Variants in CFAP263 observed in about 807,000 individuals in gnomAD.
CFAP263 encodes cilia and flagella associated protein 263.
the CFAP263 span, chr16:58,283,219 A>C: frequency 1.3e-5 from 2 of 152,222 alleles, no homozygotes; most frequent in African/African-American, 4.8e-5. Flanking sequence ...CTGGTGGTTG[A>C]TTCTACATGT....
At chr16:58,259,026 TA>T in the CFAP263 span, among the ~76,000 whole-genome samples, 3 of 151,750 alleles carry the variant, frequency 2.0e-5, no homozygotes, top group East Asian at 5.8e-4. Context: ...AATAAATAAA[TA>T]AATGCGTGTT....
chr16:58,273,757 C>T, the CFAP263 span, among the ~76,000 whole-genome samples: 3 of 152,096 alleles, frequency 2.0e-5, no homozygotes, highest in African/African-American at 7.2e-5. Flanking sequence ...TTGTTGGAAG[C>T]TGTATATTTT....
chr16:58,259,112 A>G, the CFAP263 span, among the ~76,000 whole-genome samples: 2 of 152,072 alleles, frequency 1.3e-5, no homozygotes, highest in Non-Finnish European at 2.9e-5. Context: ...TTGTTTTGTT[A>G]TTTGTTTCAA....
chr16:58,255,977 C>T, the CFAP263 span, among the ~76,000 whole-genome samples: 1 of 152,216 alleles, frequency 6.6e-6, no homozygotes, highest in East Asian at 1.9e-4. Flanking sequence ...AGAGAAGAAA[C>T]ATCACTGTTA....
At chr16:58,279,233 C>T in the CFAP263 span, among the ~76,000 whole-genome samples, 2 of 152,234 alleles carry the variant, frequency 1.3e-5, no homozygotes, top group South Asian at 2.1e-4. Context: ...TGAGGTCATG[C>T]AGGACATCAT....
At chr16:58,278,946 T>G in the CFAP263 span, among the ~76,000 whole-genome samples, 4 of 152,258 alleles carry the variant, frequency 2.6e-5, no homozygotes, top group Non-Finnish European at 4.4e-5. Context: ...ACTGGTAATT[T>G]AGTGATTGCT....
chr16:58,262,240 G>A, the CFAP263 span: 1 of 722,850 alleles, frequency 1.4e-6, no homozygotes. Flanking sequence ...CCATGCCTGG[G>A]ACCAAACAGA....
the CFAP263 span, among the ~76,000 whole-genome samples, chr16:58,257,114 T>G: frequency 3.9e-5 from 4 of 102,150 alleles, no homozygotes; most frequent in Non-Finnish European, 7.6e-5. Context: ...GCCTCCCGGG[T>G]TCACGCCATT....
the CFAP263 span, chr16:58,281,411 GCAAA>G: frequency 6.6e-6 from 1 of 152,526 alleles, no homozygotes; most frequent in Non-Finnish European, 1.5e-5. Context: ...CTGGCACACA[GCAAA>G]CACTCAATAG....
the CFAP263 span, among the ~76,000 whole-genome samples, chr16:58,253,453 C>G: frequency 1.3e-5 from 2 of 152,102 alleles, no homozygotes; most frequent in Non-Finnish European, 2.9e-5. Flanking sequence ...AGCCAGCCAC[C>G]TAAATGAGGA....
At chr16:58,259,957 C>G in the CFAP263 span, 351 of 1,494,634 alleles carry the variant, frequency 2.3e-4, 1 homozygote, top group Non-Finnish European at 4.3e-5. Context: ...TTTTCTCTCT[C>G]TCTCTGTTTC....
the CFAP263 span, chr16:58,280,465 T>C: frequency 6.2e-7 from 1 of 1,614,214 alleles, no homozygotes. Context: ...GGTCCTTCTT[T>C]GTCCCTGCAA....
the CFAP263 span, among the ~76,000 whole-genome samples, chr16:58,253,775 C>T: frequency 6.6e-6 from 1 of 152,168 alleles, no homozygotes; most frequent in African/African-American, 2.4e-5. Context: ...ACTTCATTGT[C>T]AAACATAGGC....
chr16:58,263,505 A>G, the CFAP263 span, among the ~76,000 whole-genome samples: 71 of 152,312 alleles, frequency 4.7e-4, no homozygotes, highest in African/African-American at 1.7e-3. Flanking sequence ...TCCTTTACAG[A>G]AAAGTTTTGC....
At chr16:58,259,937 A>T in the CFAP263 span, 5 of 1,587,504 alleles carry the variant, frequency 3.1e-6, no homozygotes, top group Non-Finnish European at 4.3e-6. Context: ...TGAGGCAGGT[A>T]TGTGGTCCTT....
the CFAP263 span, chr16:58,278,757 C>T: frequency 3.3e-6 from 3 of 906,848 alleles, no homozygotes; most frequent in East Asian, 5.1e-5. Flanking sequence ...GGAGAAACCT[C>T]AGCAGTTGCT....
At chr16:58,271,864 C>T in the CFAP263 span, among the ~76,000 whole-genome samples, 13,337 of 152,150 alleles carry the variant, frequency 0.088, 778 homozygotes, top group East Asian at 0.12. Flanking sequence ...CCGTACTCTT[C>T]GGAAGGAAGT....
chr16:58,280,164 T>C, the CFAP263 span: 2 of 1,500,746 alleles, frequency 1.3e-6, no homozygotes, highest in East Asian at 4.5e-5. Flanking sequence ...AACAGCATGG[T>C]GAATGCCTGG....
the CFAP263 span, among the ~76,000 whole-genome samples, chr16:58,266,763 T>C: frequency 1.3e-5 from 2 of 152,068 alleles, no homozygotes; most frequent in African/African-American, 4.8e-5. Context: ...GGGGCCAATC[T>C]AAGAAGCAGG....
Sources: gnomAD v4.1 joint callset for allele counts (sites outside exome capture counted in the v4.1 genomes callset) on GRCh38, gnomAD v4.1.1 for gene constraint, MANE v1.5 for transcripts, NCBI Gene and HGNC (gene_info 2026-07-23, HGNC 2026-07-21) for gene names.